Variants in LAMA3 observed in about 807,000 individuals in gnomAD.
The protein encoded by LAMA3 is laminin subunit alpha 3.
In LAMA3, 281 loss-of-function variants were observed where a neutral mutation model predicts 402.0. That is an observed-to-expected ratio of 0.70 (90% CI 0.63 to 0.77). The LOEUF is 0.77. Among genes scored for constraint, LAMA3 ranks in the 30% least tolerant of loss-of-function variants. LAMA3 has a pLI of 0.00. For synonymous variants in LAMA3, 1,431 were observed against 1,558.4 expected (o/e 0.92, Z 1.93); for missense variants, 3,840 against 4,215.5 (o/e 0.91, Z 2.47).
chr18:23,827,553 A>C, intron 23 of LAMA3, 86 bp downstream of exon 23: 1 of 1,418,240 alleles, frequency 7.1e-7, no homozygotes, highest in Non-Finnish European at 9.7e-7. Flanking sequence ...GTTGCTTCTC[A>C]AATTCAGGGG....
intron 62 of LAMA3, among the ~76,000 whole-genome samples, chr18:23,922,494 G>A (rs2081876008): frequency 6.6e-6 from 1 of 152,226 alleles, no homozygotes; most frequent in African/African-American, 2.4e-5. Context: ...TTTTAAAGTT[G>A]TCAGGGTTGC....
intron 38 of LAMA3, chr18:23,872,833 TCA>T: frequency 3.4e-6 from 2 of 586,634 alleles, no homozygotes; most frequent in East Asian, 5.8e-5. Flanking sequence ...CCGCCCCACC[TCA>T]CAGGAATTAC....
At chr18:23,724,178 A>G (rs1159415089) in intron 2 of LAMA3, among the ~76,000 whole-genome samples, 3 of 152,202 alleles carry the variant, frequency 2.0e-5, no homozygotes, top group Non-Finnish European at 4.4e-5. Context: ...ATAGTCTCCA[A>G]TCCCATCCAG....
At chr18:23,875,782 T>C (rs1287243797) in intron 38 of LAMA3, among the ~76,000 whole-genome samples, 2 of 151,760 alleles carry the variant, frequency 1.3e-5, no homozygotes, top group Non-Finnish European at 2.9e-5. Flanking sequence ...TAAGGACGAG[T>C]CTCTTTATTT....
At chr18:23,706,256 T>C (rs1003810485) in intron 1 of LAMA3, among the ~76,000 whole-genome samples, 3 of 152,332 alleles carry the variant, frequency 2.0e-5, no homozygotes, top group Admixed American at 1.3e-4. Flanking sequence ...CCCAGGATTT[T>C]GCTCTTATGA....
At chr18:23,785,122 G>A (rs1036165597) in intron 12 of LAMA3, among the ~76,000 whole-genome samples, 1 of 152,184 alleles carries the variant, frequency 6.6e-6, no homozygotes, top group Admixed American at 6.5e-5. Flanking sequence ...CATCCAGGAA[G>A]CCAGAGTCAG....
intron 3 of LAMA3, 119 bp downstream of exon 3, chr18:23,748,179 A>G: frequency 1.3e-6 from 1 of 769,132 alleles, no homozygotes; most frequent in Non-Finnish European, 2.3e-6. Flanking sequence ...CTATAATCCC[A>G]GCATTTTGGA....
intron 8 of LAMA3, among the ~76,000 whole-genome samples, chr18:23,772,044 CTT>C (rs35056110): frequency 1.1e-4 from 16 of 141,120 alleles, no homozygotes; most frequent in Non-Finnish European, 1.2e-4. Flanking sequence ...TGATCGAAGT[CTT>C]TTTTTTTTTT....
rs145044428 is a variant in LAMA3, at chr18:23,873,074, C to T, written c.4998+1413C>T. On this transcript the variant is annotated intron_variant, in intron 38 of 74. Transcript: ENST00000313654. ...CTCCAGCAGTGAGGCGGTCAGCCTG[C>T]AGCATGGGATGGCTGTGGATCTTTG... The T allele has an allele frequency of 1.3e-3, 2,122 of 1,614,182 alleles. 1 individual carries two copies. Among genetic ancestry groups the T allele is most frequent in the Non-Finnish European group, 1.5e-3 (1,794 of 1,180,038 alleles).
In LAMA3 at chr18:23,898,765, A is replaced by G. The variant is rs756777572; in HGVS notation, c.5641A>G (p.Ile1881Val). ...RNQLLNYRSA[I>V]SNHGSKIEGL... ...TCAGTTGCTCAACTACCGTTCTGCC[A>G]TTTCAAATCATGGATCAAAAATAGA... Residue 1881 changes from isoleucine (I) to valine (V), a missense_variant, in exon 45 of 75, where the codon ATT becomes GTT. Ile to Val is a conservative substitution (Grantham distance 29). Coordinates refer to ENST00000313654, the MANE Select transcript of LAMA3 (RefSeq NM_198129.4). The G allele has an allele frequency of 6.2e-7, 1 of 1,609,754 alleles. No individual in the cohort carries two copies. The highest frequency in any genetic ancestry group is 1.1e-5 in the South Asian group (1 of 90,994).
intron 1 of LAMA3, among the ~76,000 whole-genome samples, chr18:23,708,622 T>G (rs1185378552): frequency 3.3e-5 from 5 of 152,192 alleles, no homozygotes; most frequent in African/African-American, 7.2e-5. Flanking sequence ...TTCTAGTTGT[T>G]TGCTGCTACT....
intron 1 of LAMA3, among the ~76,000 whole-genome samples, chr18:23,690,876 T>TTTA (rs1280422609): frequency 5.0e-5 from 2 of 40,250 alleles, no homozygotes; most frequent in African/African-American, 1.2e-4. Context: ...CTGGCAATTA[T>TTTA]TTATTTATTT....
intron 38 of LAMA3, 50 bp from the exon 39 acceptor site, chr18:23,876,244 G>C: frequency 8.2e-7 from 1 of 1,217,090 alleles, no homozygotes; most frequent in Non-Finnish European, 1.2e-6. Context: ...GCTTTGGATA[G>C]TAATTGTTTT....
At chr18:23,865,787 G>T (rs2064341503) in intron 36 of LAMA3, among the ~76,000 whole-genome samples, 1 of 152,196 alleles carries the variant, frequency 6.6e-6, no homozygotes, top group African/African-American at 2.4e-5. Flanking sequence ...AGGCTAACAG[G>T]ACTCGGGGGT....
intron 1 of LAMA3, among the ~76,000 whole-genome samples, chr18:23,695,804 A>T (rs2060674705): frequency 2.3e-5 from 1 of 43,296 alleles, no homozygotes. Context: ...CTCAAAAAAA[A>T]AAAAAAAAAA....
At chr18:23,945,570 G>A (rs894597613) in intron 69 of LAMA3, among the ~76,000 whole-genome samples, 1 of 152,182 alleles carries the variant, frequency 6.6e-6, no homozygotes. Context: ...AGGCAGTAGA[G>A]GCCAAAGGTC....
At chr18:23,872,740 C>T (rs1243705799) in intron 38 of LAMA3, 2 of 420,828 alleles carry the variant, frequency 4.8e-6, no homozygotes, top group South Asian at 2.3e-5. Flanking sequence ...GATTTCCACC[C>T]TCCTACCCAG....
chr18:23,878,940 C>T (rs2064811271), intron 39 of LAMA3, among the ~76,000 whole-genome samples: 1 of 151,772 alleles, frequency 6.6e-6, no homozygotes, highest in Non-Finnish European at 1.5e-5. Flanking sequence ...CCCATCTCTC[C>T]CTCTTCTCAT....
At chr18:23,804,537 T>C (rs2062926071) in intron 12 of LAMA3, among the ~76,000 whole-genome samples, 1 of 152,196 alleles carries the variant, frequency 6.6e-6, no homozygotes, top group African/African-American at 2.4e-5. Context: ...ATGTCCTCAA[T>C]GTAATAGACC....
Sources: gnomAD v4.1 joint callset for allele counts (sites outside exome capture counted in the v4.1 genomes callset) on GRCh38, gnomAD v4.1.1 for gene constraint, MANE v1.5 for transcripts, NCBI Gene and HGNC (gene_info 2026-07-23, HGNC 2026-07-21) for gene names.